The following GALNT13 variants were observed in gnomAD, a reference collection of about 807,000 sequenced individuals.
The protein encoded by GALNT13 is polypeptide N-acetylgalactosaminyltransferase 13, also known as UDP-GalNAc:polypeptide N-acetylgalactosaminyltransferase 13.
GALNT13 carries 28 observed loss-of-function variants against 64.2 expected under a neutral mutation model. That is an observed-to-expected ratio of 0.44 (90% CI 0.32 to 0.60). The LOEUF is 0.60. Ranked by LOEUF, GALNT13 falls within the 20% of genes least tolerant of loss-of-function variation. GALNT13 has a pLI of 0.05. For missense variants in GALNT13, 577 were observed against 669.8 expected, an observed-to-expected ratio of 0.86 and a Z score of 1.53; for synonymous variants, 214 against 224.6, an observed-to-expected ratio of 0.95 and a Z score of 0.42.
At chr2:153,612,383 A>G in the GALNT13 span, among the ~76,000 whole-genome samples, 1 of 152,164 alleles carries the variant, frequency 6.6e-6, no homozygotes, top group Non-Finnish European at 1.5e-5. Flanking sequence ...ATATAGACAC[A>G]TGCACACGTA....
At chr2:153,914,922 G>A (rs891351490) in intron 2 of GALNT13, among the ~76,000 whole-genome samples, 2 of 152,106 alleles carry the variant, frequency 1.3e-5, no homozygotes, top group African/African-American at 4.8e-5. Context: ...ACAGGAGGGT[G>A]CCTGGATCCT....
chr2:154,122,241 T>C (rs1167061383), intron 3 of GALNT13, among the ~76,000 whole-genome samples: 3 of 151,980 alleles, frequency 2.0e-5, no homozygotes, highest in African/African-American at 7.2e-5. Flanking sequence ...TAGATTGAAA[T>C]AATCTTTTTT....
intron 4 of GALNT13, among the ~76,000 whole-genome samples, chr2:154,222,682 C>T (rs567493432): frequency 3.3e-5 from 5 of 152,212 alleles, no homozygotes; most frequent in African/African-American, 9.6e-5. Context: ...GGTCAAAGCA[C>T]AGCCTCTAGC....
chr2:154,263,863 CAAAAATACA>C (rs1325306010), intron 8 of GALNT13, among the ~76,000 whole-genome samples: 2 of 151,996 alleles, frequency 1.3e-5, no homozygotes. Flanking sequence ...AAAAAATGGA[CAAAAATACA>C]TGAAATAACA....
At chr2:153,357,692 C>G in the GALNT13 span, among the ~76,000 whole-genome samples, 1 of 152,118 alleles carries the variant, frequency 6.6e-6, no homozygotes, top group Non-Finnish European at 1.5e-5. Context: ...CACTCCAAGC[C>G]TAATTCTCCA....
the GALNT13 span, among the ~76,000 whole-genome samples, chr2:153,278,029 C>A: frequency 6.9e-6 from 1 of 145,368 alleles, no homozygotes; most frequent in African/African-American, 2.6e-5. Flanking sequence ...CAGGTTCATA[C>A]CATTCTCCTG....
chr2:154,428,275 C>T (rs2105441424), intron 11 of GALNT13, among the ~76,000 whole-genome samples: 1 of 152,292 alleles, frequency 6.6e-6, no homozygotes, highest in East Asian at 1.9e-4. Context: ...GCAGCTCGGA[C>T]ATATTGGGAA....
intron 9 of GALNT13, among the ~76,000 whole-genome samples, chr2:154,340,825 C>A (rs904426109): frequency 6.6e-6 from 1 of 151,970 alleles, no homozygotes; most frequent in Non-Finnish European, 1.5e-5. Context: ...ATCCTTAACA[C>A]GTTTATAAGA....
At chr2:153,822,510 AG>A in the GALNT13 span, among the ~76,000 whole-genome samples, 1 of 152,208 alleles carries the variant, frequency 6.6e-6, no homozygotes, top group African/African-American at 2.4e-5. Context: ...ACATATAAAA[AG>A]CTTTTGATAA....
At chr2:153,148,038 G>C in the GALNT13 span, among the ~76,000 whole-genome samples, 2 of 151,772 alleles carry the variant, frequency 1.3e-5, no homozygotes, top group Non-Finnish European at 2.9e-5. Context: ...TATTTTCTAA[G>C]ATAATATTTC....
intron 9 of GALNT13, among the ~76,000 whole-genome samples, chr2:154,362,997 C>A (rs1056792628): frequency 2.9e-5 from 4 of 136,984 alleles, no homozygotes; most frequent in Non-Finnish European, 6.4e-5. Flanking sequence ...TTTAAAGTTG[C>A]ATTGTACACT....
intron 10 of GALNT13, among the ~76,000 whole-genome samples, chr2:154,402,738 C>G (rs1699354817): frequency 6.6e-6 from 1 of 152,192 alleles, no homozygotes; most frequent in African/African-American, 2.4e-5. Flanking sequence ...CATGACCAAG[C>G]CATTGTTACT....
chr2:153,692,395 A>G, the GALNT13 span, among the ~76,000 whole-genome samples: 4 of 152,210 alleles, frequency 2.6e-5, no homozygotes, highest in Non-Finnish European at 5.9e-5. Flanking sequence ...ATATCATAGA[A>G]ATTGGTGCCA....
chr2:153,533,974 G>A, the GALNT13 span, among the ~76,000 whole-genome samples: 7 of 151,300 alleles, frequency 4.6e-5, no homozygotes, highest in African/African-American at 1.7e-4. Flanking sequence ...CTGGGCTCAA[G>A]CTATCCTCCC....
At chr2:154,173,320 CAA>C (rs1685469152) in intron 4 of GALNT13, among the ~76,000 whole-genome samples, 3 of 151,428 alleles carry the variant, frequency 2.0e-5, no homozygotes, top group South Asian at 2.1e-4. Context: ...CACAAAAAAA[CAA>C]ATCATTTAAT....
intron 9 of GALNT13, among the ~76,000 whole-genome samples, chr2:154,342,830 G>C (rs1695849640): frequency 6.8e-6 from 1 of 148,142 alleles, no homozygotes; most frequent in Admixed American, 6.7e-5. Context: ...GTGTGCGTGT[G>C]TGTGTGTGTG....
intron 4 of GALNT13, among the ~76,000 whole-genome samples, chr2:154,148,878 G>T (rs969966546): frequency 3.3e-5 from 5 of 152,138 alleles, no homozygotes; most frequent in Admixed American, 2.0e-4. Context: ...TTTGTAGGTT[G>T]CCTGTTCACT....
At chr2:154,138,554 G>T (rs1683077637) in intron 3 of GALNT13, among the ~76,000 whole-genome samples, 2 of 145,700 alleles carry the variant, frequency 1.4e-5, no homozygotes, top group Non-Finnish European at 3.0e-5. Context: ...TGGAATTAAA[G>T]TTACAGTCCA....
the GALNT13 span, among the ~76,000 whole-genome samples, chr2:153,134,813 TG>T: frequency 6.6e-6 from 1 of 152,120 alleles, no homozygotes; most frequent in African/African-American, 2.4e-5. Context: ...GGCTAACAAA[TG>T]TGATCAGCTC....
Sources: allele counts gnomAD v4.1 joint callset (sites outside exome capture counted in the v4.1 genomes callset), GRCh38; gene constraint gnomAD v4.1.1; transcripts MANE v1.5; gene names NCBI Gene and HGNC (gene_info 2026-07-23, HGNC 2026-07-21).